C7orf78: variants seen among roughly 807,000 people sequenced by gnomAD.
C7orf78 encodes the protein chromosome 7 open reading frame 78.
the C7orf78 span, among the ~76,000 whole-genome samples, chr7:12,521,145 T>C: frequency 7.9e-5 from 12 of 152,148 alleles, no homozygotes; most frequent in African/African-American, 2.7e-4. Flanking sequence ...TAGCAAATAA[T>C]TGAGTCCTTT....
the C7orf78 span, among the ~76,000 whole-genome samples, chr7:12,513,218 GTCTT>G: frequency 2.1e-5 from 3 of 145,858 alleles, no homozygotes; most frequent in Non-Finnish European, 3.0e-5. Flanking sequence ...TCTTTCTTCT[GTCTT>G]TCTCTCTTTC....
chr7:12,495,023 C>T, the C7orf78 span, among the ~76,000 whole-genome samples: 1 of 152,168 alleles, frequency 6.6e-6, no homozygotes, highest in Non-Finnish European at 1.5e-5. Flanking sequence ...TTCTGCCCGT[C>T]TTCTCCCATT....
the C7orf78 span, chr7:12,541,402 T>C: frequency 1.3e-5 from 2 of 152,156 alleles, no homozygotes; most frequent in Non-Finnish European, 2.9e-5. Flanking sequence ...ACTGTTATGC[T>C]GTGTGGGAAA....
the C7orf78 span, among the ~76,000 whole-genome samples, chr7:12,513,745 A>G: frequency 6.6e-6 from 1 of 151,648 alleles, no homozygotes; most frequent in Non-Finnish European, 1.5e-5. Context: ...TCATGCCTGT[A>G]ATCCCAGCAC....
At chr7:12,526,160 G>A in the C7orf78 span, among the ~76,000 whole-genome samples, 2 of 152,094 alleles carry the variant, frequency 1.3e-5, no homozygotes, top group South Asian at 4.1e-4. Flanking sequence ...AATGCTTAAG[G>A]GAATAAACTC....
At chr7:12,503,936 T>A in the C7orf78 span, among the ~76,000 whole-genome samples, 1 of 152,116 alleles carries the variant, frequency 6.6e-6, no homozygotes, top group Non-Finnish European at 1.5e-5. Flanking sequence ...AGAGCATGAC[T>A]GTGTTTCTGA....
At chr7:12,529,403 G>A in the C7orf78 span, among the ~76,000 whole-genome samples, 3 of 152,146 alleles carry the variant, frequency 2.0e-5, no homozygotes, top group Non-Finnish European at 4.4e-5. Flanking sequence ...GGTTAGTAAT[G>A]CTACATACTT....
the C7orf78 span, among the ~76,000 whole-genome samples, chr7:12,499,454 A>C: frequency 6.7e-6 from 1 of 150,182 alleles, no homozygotes; most frequent in African/African-American, 2.4e-5. Context: ...AACAGACTTT[A>C]AACCAACAAA....
At chr7:12,497,221 G>A in the C7orf78 span, among the ~76,000 whole-genome samples, 97 of 152,218 alleles carry the variant, frequency 6.4e-4, no homozygotes, top group Non-Finnish European at 1.0e-3. Flanking sequence ...GGGGGGAGGA[G>A]CCAAGATGGC....
the C7orf78 span, among the ~76,000 whole-genome samples, chr7:12,494,672 G>C: frequency 0.014 from 2,094 of 152,218 alleles, 49 homozygotes; most frequent in African/African-American, 0.048. Flanking sequence ...AGCAATAACT[G>C]ATCATCTGTT....
At chr7:12,492,702 C>G in the C7orf78 span, among the ~76,000 whole-genome samples, 1 of 152,220 alleles carries the variant, frequency 6.6e-6, no homozygotes, top group Non-Finnish European at 1.5e-5. Flanking sequence ...CAACAGGTAT[C>G]TTAACTTCTT....
the C7orf78 span, among the ~76,000 whole-genome samples, chr7:12,538,143 A>G: frequency 6.6e-6 from 1 of 152,182 alleles, no homozygotes; most frequent in Non-Finnish European, 1.5e-5. Context: ...ATGCACTATT[A>G]TACGTACATG....
chr7:12,488,845 CT>C, the C7orf78 span, among the ~76,000 whole-genome samples: 1 of 150,708 alleles, frequency 6.6e-6, no homozygotes, highest in African/African-American at 2.4e-5. Flanking sequence ...TGAAATGTTT[CT>C]TGTAAAGTAT....
At chr7:12,521,644 C>CTT in the C7orf78 span, among the ~76,000 whole-genome samples, 40,366 of 124,198 alleles carry the variant, frequency 0.33, 7,013 homozygotes, top group African/African-American at 0.42. Flanking sequence ...TGGGTTTGGG[C>CTT]TTTTTTTTTT....
At chr7:12,483,424 T>G in the C7orf78 span, 1 of 152,300 alleles carries the variant, frequency 6.6e-6, no homozygotes, top group African/African-American at 2.4e-5. Flanking sequence ...ACACTTTGAT[T>G]AAGGTTTTGG....
At chr7:12,525,024 CTT>C in the C7orf78 span, among the ~76,000 whole-genome samples, 3 of 152,162 alleles carry the variant, frequency 2.0e-5, no homozygotes, top group East Asian at 3.9e-4. Flanking sequence ...TCAGTGAAGG[CTT>C]TTTGAAACGA....
chr7:12,514,283 C>T, the C7orf78 span, among the ~76,000 whole-genome samples: 1 of 151,974 alleles, frequency 6.6e-6, no homozygotes, highest in African/African-American at 2.4e-5. Context: ...GAACTAATTC[C>T]CCTTTACCAT....
the C7orf78 span, among the ~76,000 whole-genome samples, chr7:12,514,915 T>A: frequency 1.3e-5 from 2 of 151,618 alleles, no homozygotes; most frequent in African/African-American, 4.9e-5. Flanking sequence ...GTGATAGGAT[T>A]TTTTCTTTTA....
At chr7:12,504,027 G>T in the C7orf78 span, among the ~76,000 whole-genome samples, 1 of 152,174 alleles carries the variant, frequency 6.6e-6, no homozygotes, top group Non-Finnish European at 1.5e-5. Context: ...ATCTTTATTT[G>T]TTTTAAAAAA....
Sources: gnomAD v4.1 joint callset for allele counts (sites outside exome capture counted in the v4.1 genomes callset) on GRCh38, gnomAD v4.1.1 for gene constraint, MANE v1.5 for transcripts, NCBI Gene and HGNC (gene_info 2026-07-23, HGNC 2026-07-21) for gene names.